Variants in USP42 observed in about 807,000 individuals in gnomAD.
USP42 encodes the protein ubiquitin carboxyl-terminal hydrolase 42.
Under a neutral mutation model 113.0 loss-of-function variants are expected in USP42, and 23 were observed. That is an observed-to-expected ratio of 0.20 (90% CI 0.15 to 0.29). The LOEUF is 0.29. USP42 is among the 10% of genes least tolerant of loss of function. The probability of loss-of-function intolerance (pLI) is 1.00; values close to 1 mark genes in which losing one functional copy is unlikely to be tolerated. For synonymous variants in USP42, 933 were observed against 699.0 expected, an observed-to-expected ratio of 1.33 and a Z score of -5.28; for missense variants, 2,174 against 1,779.8, an observed-to-expected ratio of 1.22 and a Z score of -3.99.
intron 3 of USP42, among the ~76,000 whole-genome samples, chr7:6,127,208 T>C (rs1200120939): frequency 6.6e-6 from 1 of 152,224 alleles, no homozygotes; most frequent in East Asian, 1.9e-4. Context: ...TTTGAGGATA[T>C]GTGGTTTCCA....
At position 6,155,058 on chromosome 7, in the gene USP42, G is replaced by C. The variant is rs756785346; in HGVS notation, c.3504G>C (p.Glu1168Asp). Residue 1168 changes from glutamate to aspartate, a missense_variant, in exon 15 of 18, where the codon GAG becomes GAC. Glu to Asp is a conservative substitution (Grantham distance 45, BLOSUM62 2). Coordinates refer to ENST00000306177, the MANE Select transcript of USP42 (RefSeq NM_032172.3). ...KSRKRRHDSV[E>D]NSDSHVEKKA... ...GGAAACGGAGACACGACAGTGTGGA[G>C]AACAGTGACAGTCATGTTGAAAAGA... 1.3e-6 allele frequency: 2 copies of C among 1,563,436 alleles called. No homozygotes were observed. The highest frequency in any genetic ancestry group is 2.4e-5 in the East Asian group (1 of 41,760).
the USP42 span, among the ~76,000 whole-genome samples, chr7:6,093,338 T>A: frequency 6.7e-6 from 1 of 149,536 alleles, no homozygotes; most frequent in African/African-American, 2.5e-5. Flanking sequence ...CAGGCTGGAG[T>A]GCAGTGGCAG....
intron 3 of USP42, among the ~76,000 whole-genome samples, chr7:6,129,842 C>T (rs1780750993): frequency 2.1e-5 from 3 of 139,598 alleles, no homozygotes; most frequent in Admixed American, 1.5e-4. Context: ...GCCTGGGTGA[C>T]AGAGTGAGAC....
At chr7:6,133,162 G>C (rs892217037) in intron 3 of USP42, among the ~76,000 whole-genome samples, 3 of 152,158 alleles carry the variant, frequency 2.0e-5, no homozygotes, top group Admixed American at 1.3e-4. Flanking sequence ...TTTGGTGTAA[G>C]ATCTTTTGAA....
chr7:6,104,523 T>C (rs1163004293), upstream of USP42, among the ~76,000 whole-genome samples: 1 of 152,248 alleles, frequency 6.6e-6, no homozygotes, highest in African/African-American at 2.4e-5. Context: ...GATCCCAGAC[T>C]CCTGCGTCCC....
chr7:6,142,886 G>T (rs772767965), intron 7 of USP42, 46 bp from the exon 8 acceptor site: 4 of 1,596,484 alleles, frequency 2.5e-6, no homozygotes, highest in Non-Finnish European at 3.4e-6. Flanking sequence ...CCAAACACAA[G>T]TGACGGTGTG....
At chr7:6,101,343 T>C (rs145588507), upstream of USP42, among the ~76,000 whole-genome samples, 11 of 151,346 alleles carry the variant, frequency 7.3e-5, no homozygotes, top group East Asian at 2.1e-3. Flanking sequence ...TATTGTTCCA[T>C]GATCCTGTGA....
intron 8 of USP42, among the ~76,000 whole-genome samples, chr7:6,143,406 G>C (rs1583655870): frequency 6.6e-6 from 1 of 152,112 alleles, no homozygotes; most frequent in African/African-American, 2.4e-5. Context: ...TTCTGGGATA[G>C]GGAGGCTCCT....
intron 4 of USP42, among the ~76,000 whole-genome samples, chr7:6,137,532 A>G (rs944420675): frequency 6.6e-6 from 1 of 152,126 alleles, no homozygotes; most frequent in Admixed American, 6.6e-5. Context: ...CTAATTTTGT[A>G]GTTTTAGTAG....
intron 2 of USP42, among the ~76,000 whole-genome samples, chr7:6,112,242 A>T (rs1779635327): frequency 6.6e-6 from 1 of 152,138 alleles, no homozygotes; most frequent in South Asian, 2.1e-4. Context: ...TGAGGTCAGG[A>T]GTTTGAGACC....
Position 6,139,051 on chromosome 7 carries a change from A to T in USP42, c.554-41A>T. 1 of 1,355,536 alleles carries T rather than the reference A, an allele frequency of 7.4e-7. No individual in the cohort carries two copies. Among genetic ancestry groups the T allele is most frequent in the Non-Finnish European group, 1.0e-6 (1 of 972,748 alleles). The allele number at this position is 1,355,536 out of a possible 1,614,324, so 84.0% of individuals were successfully genotyped here. On this transcript the variant is annotated intron_variant, in intron 4 of 17. Coordinates refer to ENST00000306177, the MANE Select transcript of USP42 (RefSeq NM_032172.3). This position sits in a 1 kb window ranked among gnomAD's most constrained non-coding sequence, Gnocchi z 4.5. ...TTGGGGGGTACAACTTAGGCTTATT[A>T]CGTGTAATGATAAAGCCTTGTCTTT...
the USP42 span, among the ~76,000 whole-genome samples, chr7:6,092,769 G>A: frequency 6.6e-6 from 1 of 151,274 alleles, no homozygotes; most frequent in Non-Finnish European, 1.5e-5. Context: ...GACCTGGCCA[G>A]CCACAGTCTC....
the USP42 span, chr7:6,085,218 C>T: frequency 6.6e-6 from 1 of 150,904 alleles, no homozygotes; most frequent in East Asian, 1.9e-4. Context: ...CTCCCGGGTT[C>T]AAGTGATTCT....
chr7:6,126,386 G>A (rs1444470490), intron 3 of USP42, among the ~76,000 whole-genome samples: 4 of 151,636 alleles, frequency 2.6e-5, no homozygotes, highest in Non-Finnish European at 5.9e-5. Flanking sequence ...CTGGCTTCAC[G>A]CCATTCTCCT....
chr7:6,150,435 T>A lies in USP42; in HGVS notation c.2130T>A (p.Ser710=), dbSNP rs1583674210. ...AGTTGATGCCTGCTCCTTTGCTGTC[T>A]CTCCCAGAAGACAAAATCTTAGAGA... is the stretch of plus-strand genomic sequence containing the variant. The part of the protein sequence containing the change: ...PGKLMPAPLL[S]LPEDKILETF... Residue 710 remains serine (S), a synonymous_variant, in exon 14 of 18, where the codon TCT becomes TCA. Coordinates refer to ENST00000306177, the MANE Select transcript of USP42 (RefSeq NM_032172.3). The A allele has an allele frequency of 6.2e-7, 1 of 1,613,924 alleles. No individual in the cohort carries two copies. The highest frequency in any genetic ancestry group is 2.2e-5 in the East Asian group (1 of 44,878).
chr7:6,156,923 C>G lies in USP42; in HGVS notation c.3811C>G (p.Arg1271Gly). Residue 1271 changes from arginine to glycine, a missense_variant, in exon 16 of 18, where the codon CGG becomes GGG. By Grantham distance (125) the Arg-to-Gly change is moderately radical (BLOSUM62 -2). Coordinates refer to ENST00000306177, the MANE Select transcript of USP42 (RefSeq NM_032172.3). ...CAGCTTGGAGACTGTCGCCCAGTTC[C>G]GGAGAGCCCAGGGTGGCTTTCCTCT... ...VTSLETVAQF[R>G]RAQGGFPLSG... 6.2e-7 allele frequency: 1 copy of G among 1,613,898 alleles called. No homozygotes were observed. The highest frequency in any genetic ancestry group is 8.5e-7 in the Non-Finnish European group (1 of 1,179,858).
In USP42 at chr7:6,154,541, C is replaced by G; in HGVS notation, c.2987C>G (p.Pro996Arg). Residue 996 changes from proline (P) to arginine (R), a missense_variant, in exon 15 of 18, where the codon CCG (proline) becomes CGG (arginine). Physicochemically the swap from Pro to Arg is moderately radical, Grantham distance 103. Transcript: ENST00000306177. ...CGCGACCGCCAGGACCGCCACGCCCCGGAGCACCACCCCGGCCACGGCGAC... is the reference window on the plus strand; with the variant it reads ...CGCGACCGCCAGGACCGCCACGCCCGGGAGCACCACCCCGGCCACGGCGAC... The part of the protein sequence containing the change: ...RERDRQDRHA[P>R]EHHPGHGDRL... 1.3e-6 allele frequency: 2 copies of G among 1,545,842 alleles called. No individual in the cohort carries two copies. Among genetic ancestry groups the G allele is most frequent in the Non-Finnish European group, 1.7e-6 (2 of 1,146,630 alleles).
intron 14 of USP42, among the ~76,000 whole-genome samples, 170 bp from the exon 15 acceptor site, chr7:6,153,586 A>G (rs1362615670): frequency 1.3e-5 from 2 of 152,232 alleles, no homozygotes; most frequent in African/African-American, 2.4e-5. Context: ...ATACATATGT[A>G]ACTAACCTGC....
the USP42 span, among the ~76,000 whole-genome samples, chr7:6,095,683 T>G: frequency 4.6e-5 from 7 of 150,996 alleles, no homozygotes; most frequent in Non-Finnish European, 1.0e-4. Flanking sequence ...ACAAAAAAAA[T>G]GGCCAGAGGT....
Sources: gnomAD v4.1 joint callset for allele counts (sites outside exome capture counted in the v4.1 genomes callset) on GRCh38, gnomAD v4.1.1 for gene constraint, Gnocchi (gnomAD v3.1) non-coding constraint, MANE v1.5 for transcripts, NCBI Gene and HGNC (gene_info 2026-07-23, HGNC 2026-07-21) for gene names.